The following KCNMA1 variants were observed in gnomAD, a reference collection of about 807,000 sequenced individuals.
KCNMA1 encodes the protein potassium calcium-activated channel subfamily M alpha 1.
Under a neutral mutation model 140.0 loss-of-function variants are expected in KCNMA1, and 29 were observed. That is an observed-to-expected ratio of 0.21 (90% CI 0.15 to 0.28). The LOEUF is 0.28. KCNMA1 is among the 10% of genes least tolerant of loss of function. The pLI, the probability that KCNMA1 is intolerant of heterozygous loss-of-function variation, is 1.00. For missense variants in KCNMA1, 880 were observed against 1,602.2 expected, an observed-to-expected ratio of 0.55 and a Z score of 7.70; for synonymous variants, 612 against 611.9, an observed-to-expected ratio of 1.00 and a Z score of 0.00.
At chr10:77,032,921 A>C (rs1189822638) in intron 15 of KCNMA1, among the ~76,000 whole-genome samples, 2 of 152,156 alleles carry the variant, frequency 1.3e-5, no homozygotes, top group Admixed American at 1.3e-4. Context: ...TTAAACATGG[A>C]AACCTGTCAT....
intron 23 of KCNMA1, among the ~76,000 whole-genome samples, chr10:76,917,724 C>T (rs1355405594): frequency 6.6e-6 from 1 of 152,180 alleles, no homozygotes; most frequent in South Asian, 2.1e-4. Flanking sequence ...TGTTTCCCTA[C>T]TTTTCTAGTC....
At chr10:77,204,706 A>C (rs2154161623) in intron 3 of KCNMA1, among the ~76,000 whole-genome samples, 1 of 152,322 alleles carries the variant, frequency 6.6e-6, no homozygotes, top group South Asian at 2.1e-4. Context: ...TCCTAGAATC[A>C]TGTAGACTCT....
chr10:77,502,417 T>C (rs1379276963), intron 1 of KCNMA1, among the ~76,000 whole-genome samples: 1 of 152,182 alleles, frequency 6.6e-6, no homozygotes, highest in Non-Finnish European at 1.5e-5. Context: ...CCCTTCCTAT[T>C]TGCCCGAATG....
At chr10:77,465,474 C>A (rs1388463947) in intron 1 of KCNMA1, among the ~76,000 whole-genome samples, 2 of 152,160 alleles carry the variant, frequency 1.3e-5, no homozygotes, top group Non-Finnish European at 2.9e-5. Flanking sequence ...GTTAGAACAG[C>A]CTGAGTTTGA....
intron 25 of KCNMA1, among the ~76,000 whole-genome samples, chr10:76,900,101 T>C (rs1370918289): frequency 1.3e-5 from 2 of 152,082 alleles, no homozygotes; most frequent in Non-Finnish European, 2.9e-5. Flanking sequence ...TTCCTTTTAA[T>C]GTTTTCAATT....
chr10:77,623,541 C>CAA (rs1056135320), intron 1 of KCNMA1, among the ~76,000 whole-genome samples: 21 of 138,606 alleles, frequency 1.5e-4, no homozygotes, highest in African/African-American at 4.5e-4. Context: ...ACTAAAAATA[C>CAA]AAAAAAAAAA....
At chr10:76,898,116 C>T (rs1228104791) in intron 25 of KCNMA1, among the ~76,000 whole-genome samples, 1 of 151,382 alleles carries the variant, frequency 6.6e-6, no homozygotes, top group Non-Finnish European at 1.5e-5. Flanking sequence ...TATAACTAAA[C>T]ATAAATGAGC....
chr10:77,261,735 T>G (rs181710035), intron 2 of KCNMA1, among the ~76,000 whole-genome samples: 2 of 152,172 alleles, frequency 1.3e-5, no homozygotes, highest in Non-Finnish European at 2.9e-5. Context: ...ATTTTACCAA[T>G]GACATTAAAA....
At chr10:77,505,574 G>GC (rs988388962) in intron 1 of KCNMA1, among the ~76,000 whole-genome samples, 13 of 152,198 alleles carry the variant, frequency 8.5e-5, no homozygotes, top group African/African-American at 3.1e-4. Context: ...CCTGGCTTTA[G>GC]CCCCAGGCCA....
intron 1 of KCNMA1, chr10:77,637,045 C>T: frequency 1.4e-6 from 2 of 1,397,152 alleles, no homozygotes; most frequent in Non-Finnish European, 1.9e-6. Context: ...CGTCCGCGTC[C>T]CGGAGCGCAC....
Position 76,887,271 on chromosome 10 carries a change from G to T in KCNMA1, c.3706C>A (p.Leu1236Ile). Residue 1236 changes from leucine to isoleucine, a missense_variant, in exon 28 of 28, where the codon CTT (leucine) becomes ATT (isoleucine). Physicochemically the swap from Leu to Ile is conservative, Grantham distance 5 (BLOSUM62 2). Coordinates refer to ENST00000286628, the MANE Select transcript of KCNMA1 (RefSeq NM_001161352.2). Reference sequence around the variant, plus strand: ...AGTGGCGGTGGATACACATATCAAAGCCGCTCTTCCTGCACGTACTTCTGT... The same window carrying T: ...AGTGGCGGTGGATACACATATCAAATCCGCTCTTCCTGCACGTACTTCTGT... The part of the protein sequence containing the change: ...DKQKYVQEER[L>I] 6.2e-7 allele frequency: 1 copy of T among 1,614,094 alleles called. No individual in the cohort carries two copies. The highest frequency in any genetic ancestry group is 8.5e-7 in the Non-Finnish European group (1 of 1,180,022).
Position 77,027,857 on chromosome 10 carries a change from C to T in KCNMA1, c.1894G>A (p.Ala632Thr). The change falls in exon 16 of 28, where the codon GCC (alanine) becomes ACC (threonine). Residue 632 changes from alanine to threonine, a missense_variant. Physicochemically the swap from Ala to Thr is moderately conservative, Grantham distance 58. Coordinates refer to ENST00000286628, the MANE Select transcript of KCNMA1 (RefSeq NM_001161352.2). ...CFVKLKLLMI[A>T]IEYKSANRES... is the part of the protein sequence containing the mutation. The stretch of plus-strand genomic sequence containing the variant: ...CGGTTGGCAGACTTGTACTCAATGG[C>T]TATCATTAGGAGCTTGAGCTTCACA... The T allele has an allele frequency of 6.2e-7, 1 of 1,613,914 alleles. No individual in the cohort carries two copies. Among genetic ancestry groups the T allele is most frequent in the Non-Finnish European group, 8.5e-7 (1 of 1,179,922 alleles).
intron 11 of KCNMA1, among the ~76,000 whole-genome samples, chr10:77,085,178 C>T (rs1047673249): frequency 2.0e-5 from 3 of 152,196 alleles, no homozygotes; most frequent in African/African-American, 7.2e-5. Flanking sequence ...TGAAGTCCTT[C>T]ATCTGACCTT....
intron 20 of KCNMA1, among the ~76,000 whole-genome samples, chr10:76,955,066 CTA>C (rs1476754875): frequency 2.0e-5 from 3 of 152,170 alleles, no homozygotes; most frequent in Admixed American, 1.3e-4. Flanking sequence ...TGAAATGGAG[CTA>C]TCTTTTCTGA....
Position 76,963,610 on chromosome 10 carries a change from C to T in KCNMA1, c.2360+6364G>A, listed in dbSNP as rs78720296. Reference sequence around the variant, plus strand: ...GCGCCTCACATTCTGGGTGCCTACTCTGATTCTCTGTGACTCTGTGGAACT... The same window carrying T: ...GCGCCTCACATTCTGGGTGCCTACTTTGATTCTCTGTGACTCTGTGGAACT... On this transcript the variant is annotated intron_variant, in intron 20 of 27. Coordinates refer to ENST00000286628, the MANE Select transcript of KCNMA1 (RefSeq NM_001161352.2). Among the ~76,000 whole-genome samples the T allele has an allele frequency of 8.3e-3, 1,259 of 152,282 alleles. 20 individuals are homozygous for T. Among genetic ancestry groups the T allele is most frequent in the African/African-American group, 0.029 (1,202 of 41,556 alleles).
chr10:77,198,568 GATATAT>G (rs3998087), intron 3 of KCNMA1, among the ~76,000 whole-genome samples: 2,070 of 138,392 alleles, frequency 0.015, 44 homozygotes, highest in African/African-American at 0.042. Context: ...ATATATATGT[GATATAT>G]ATATATATAT....
intron 2 of KCNMA1, among the ~76,000 whole-genome samples, chr10:77,367,925 A>T (rs1566315534): frequency 6.6e-6 from 1 of 152,238 alleles, no homozygotes; most frequent in African/African-American, 2.4e-5. Flanking sequence ...GTAAGGATGT[A>T]TCACAGTTGT....
At chr10:77,486,747 G>C (rs573366947) in intron 1 of KCNMA1, among the ~76,000 whole-genome samples, 1 of 152,330 alleles carries the variant, frequency 6.6e-6, no homozygotes, top group Admixed American at 6.5e-5. Context: ...CCCTGGCCCC[G>C]GGCAAAGCCC....
chr10:76,954,873 G>T (rs1365955246), intron 20 of KCNMA1, among the ~76,000 whole-genome samples: 1 of 152,178 alleles, frequency 6.6e-6, no homozygotes, highest in African/African-American at 2.4e-5. Flanking sequence ...AACTGCAATG[G>T]AATCAGGCAG....
Sources: gnomAD v4.1 joint callset for allele counts (sites outside exome capture counted in the v4.1 genomes callset) on GRCh38, gnomAD v4.1.1 for gene constraint, MANE v1.5 for transcripts, NCBI Gene and HGNC (gene_info 2026-07-23, HGNC 2026-07-21) for gene names.